PREX2: variants seen among roughly 807,000 people sequenced by gnomAD.
The protein encoded by PREX2 is phosphatidylinositol-3,4,5-trisphosphate dependent Rac exchange factor 2.
PREX2 carries 107 observed loss-of-function variants against 203.2 expected under a neutral mutation model. That is an observed-to-expected ratio of 0.53 (90% CI 0.45 to 0.62). The LOEUF (loss-of-function observed/expected upper bound fraction) is 0.62, where lower values mean the gene tolerates loss of function less well. PREX2 is among the 20% of genes least tolerant of loss of function. The probability of loss-of-function intolerance (pLI) is 0.00; values close to 1 mark genes in which losing one functional copy is unlikely to be tolerated. For synonymous variants in PREX2, 672 were observed against 663.6 expected (o/e 1.01, Z -0.19); for missense variants, 1,777 against 1,955.9 (o/e 0.91, Z 1.72).
chr8:67,965,758 T>G (rs1805754714), intron 1 of PREX2, among the ~76,000 whole-genome samples: 1 of 152,140 alleles, frequency 6.6e-6, no homozygotes, highest in Admixed American at 6.6e-5. Context: ...AGTCATAGAA[T>G]GAAGTTTGGT....
chr8:68,217,588 T>C, intron 37 of PREX2, 28 bp from the exon 38 acceptor site: 1 of 1,561,004 alleles, frequency 6.4e-7, no homozygotes, highest in Non-Finnish European at 8.8e-7. Flanking sequence ...AACCATGGGG[T>C]CTGACTTGCC....
At chr8:68,093,519 G>A (rs1183683416) in intron 20 of PREX2, 86 bp from the exon 21 acceptor site, 13 of 567,394 alleles carry the variant, frequency 2.3e-5, no homozygotes, top group African/African-American at 3.8e-5. Context: ...AGAATCTAGA[G>A]GAATAAATAA....
At chr8:68,083,170 A>G in intron 17 of PREX2, 70 bp from the exon 18 acceptor site, 2 of 1,173,336 alleles carry the variant, frequency 1.7e-6, no homozygotes, top group Non-Finnish European at 2.3e-6. Context: ...TTCATATTCC[A>G]ATTTTGTGAA....
At chr8:68,134,333 T>C (rs1454019491) in intron 32 of PREX2, 57 bp downstream of exon 32, 1 of 1,338,690 alleles carries the variant, frequency 7.5e-7, no homozygotes, top group African/African-American at 1.4e-5. Flanking sequence ...CACTGTAACA[T>C]GTTTTGAAAT....
chr8:68,234,941 A>G lies in PREX2; in HGVS notation c.*3563A>G, dbSNP rs1813236331. ...ACCTTGATACTAACTTTGAGAGCCA[A>G]AAAAATGAATGGGTAAACAAAGCCT... On this transcript the variant is annotated 3_prime_UTR_variant, in exon 40 of 40. Coordinates refer to ENST00000288368, the MANE Select transcript of PREX2 (RefSeq NM_024870.4). The G allele has an allele frequency of 6.6e-6, 1 of 152,128 alleles. No individual in the cohort carries two copies. Among genetic ancestry groups the G allele is most frequent in the Non-Finnish European group, 1.5e-5 (1 of 68,002 alleles). 9.4% of individuals were successfully genotyped at this position (152,128 alleles called of 1,614,324 possible).
chr8:68,194,422 C>T (rs1417031861), intron 37 of PREX2, among the ~76,000 whole-genome samples: 1 of 152,006 alleles, frequency 6.6e-6, no homozygotes, highest in Non-Finnish European at 1.5e-5. Context: ...GCATTAATAT[C>T]TAGATATTTT....
chr8:68,194,051 TATC>T (rs1220121980), intron 37 of PREX2, among the ~76,000 whole-genome samples: 10 of 152,240 alleles, frequency 6.6e-5, no homozygotes, highest in African/African-American at 1.7e-4. Flanking sequence ...TAATTGAAAA[TATC>T]ATCTGTATCT....
At chr8:68,122,023 C>T (rs1810784412) in intron 30 of PREX2, among the ~76,000 whole-genome samples, 1 of 152,106 alleles carries the variant, frequency 6.6e-6, no homozygotes, top group Non-Finnish European at 1.5e-5. Context: ...AGTGTAACTG[C>T]AGTTATTACC....
At chr8:68,050,028 A>G (rs941270305) in intron 8 of PREX2, among the ~76,000 whole-genome samples, 1 of 151,954 alleles carries the variant, frequency 6.6e-6, no homozygotes, top group Non-Finnish European at 1.5e-5. Context: ...TGTGGTATGT[A>G]TATTCAATTG....
chr8:68,057,732 T>C (rs1808721654), intron 10 of PREX2, among the ~76,000 whole-genome samples: 1 of 152,196 alleles, frequency 6.6e-6, no homozygotes, highest in Admixed American at 6.5e-5. Context: ...GACTTCAAGT[T>C]ATGGCTTCCC....
intron 1 of PREX2, among the ~76,000 whole-genome samples, chr8:67,964,844 T>G (rs1805724922): frequency 6.6e-6 from 1 of 152,196 alleles, no homozygotes; most frequent in Non-Finnish European, 1.5e-5. Context: ...AACTCACACC[T>G]GGGGACATTT....
At chr8:67,960,811 C>G (rs1805614327) in intron 1 of PREX2, among the ~76,000 whole-genome samples, 1 of 151,944 alleles carries the variant, frequency 6.6e-6, no homozygotes, top group African/African-American at 2.4e-5. Flanking sequence ...CACACACTTT[C>G]AGGAATAGAA....
At chr8:68,093,566 A>T (rs2129612307) in intron 20 of PREX2, 39 bp from the exon 21 acceptor site, 2 of 980,108 alleles carry the variant, frequency 2.0e-6, no homozygotes, top group Non-Finnish European at 3.2e-6. Context: ...TTTAGGAAGC[A>T]CTAATACCTC....
chr8:67,977,372 A>G (rs1166877462), intron 1 of PREX2, among the ~76,000 whole-genome samples: 1 of 152,236 alleles, frequency 6.6e-6, no homozygotes, highest in Admixed American at 6.5e-5. Flanking sequence ...AGCCTGAACT[A>G]TGACATGCAG....
chr8:68,042,883 G>A (rs1808239728), intron 7 of PREX2, among the ~76,000 whole-genome samples: 2 of 151,960 alleles, frequency 1.3e-5, no homozygotes, highest in Non-Finnish European at 2.9e-5. Flanking sequence ...AGAGTTCACA[G>A]TAAGATCATA....
At chr8:68,119,874 TTTG>T (rs1333959867) in intron 28 of PREX2, among the ~76,000 whole-genome samples, 1 of 152,142 alleles carries the variant, frequency 6.6e-6, no homozygotes, top group Non-Finnish European at 1.5e-5. Context: ...GGATGCTAAT[TTTG>T]TTGTTTTACA....
At chr8:68,090,046 TG>T (rs1809822248) in intron 19 of PREX2, among the ~76,000 whole-genome samples, 1 of 152,208 alleles carries the variant, frequency 6.6e-6, no homozygotes, top group Admixed American at 6.5e-5. Context: ...TCTGACTTTT[TG>T]TATATATGTC....
chr8:68,072,270 T>C (rs1433814640), intron 13 of PREX2, among the ~76,000 whole-genome samples: 1 of 152,180 alleles, frequency 6.6e-6, no homozygotes. Context: ...TTTGGTAACA[T>C]TGTGAGTCTC....
At position 68,051,735 on chromosome 8, in the gene PREX2, C is replaced by CA. The variant is rs375023427; in HGVS notation, c.944-1356dup. 3.4e-3 allele frequency among the ~76,000 whole-genome samples: 520 copies of CA among 152,064 alleles called. 4 individuals carry two copies. The highest frequency in any genetic ancestry group is 0.012 in the African/African-American group (504 of 41,500). Reference sequence around the variant, plus strand: ...TAAACACATAAAGGTAATAAAAGTACAAAAAATCTTTTTAAAAATTGCTTG... The same window carrying CA: ...TAAACACATAAAGGTAATAAAAGTACAAAAAAATCTTTTTAAAAATTGCTTG... On this transcript the variant is annotated intron_variant, in intron 8 of 39. Coordinates refer to ENST00000288368, the MANE Select transcript of PREX2 (RefSeq NM_024870.4).
Sources: allele counts gnomAD v4.1 joint callset (sites outside exome capture counted in the v4.1 genomes callset), GRCh38; gene constraint gnomAD v4.1.1; transcripts MANE v1.5; gene names NCBI Gene and HGNC (gene_info 2026-07-23, HGNC 2026-07-21).